Variants in LEPR observed in about 807,000 individuals in gnomAD.
LEPR encodes the protein leptin receptor.
LEPR carries 56 observed loss-of-function variants against 114.7 expected under a neutral mutation model. That is an observed-to-expected ratio of 0.49 (90% CI 0.39 to 0.61). The LOEUF (loss-of-function observed/expected upper bound fraction) is 0.61, where lower values mean the gene tolerates loss of function less well. Among genes scored for constraint, LEPR ranks in the 20% least tolerant of loss-of-function variants. LEPR has a pLI of 0.00. For missense variants in LEPR, 1,202 were observed against 1,352.9 expected (o/e 0.89, Z 1.75); for synonymous variants, 443 against 461.4 (o/e 0.96, Z 0.51).
intron 2 of LEPR, among the ~76,000 whole-genome samples, chr1:65,519,056 C>CTCCT (rs538448169): frequency 8.5e-5 from 12 of 141,928 alleles, no homozygotes; most frequent in South Asian, 4.5e-4. Flanking sequence ...CTTTCTCTCT[C>CTCCT]TCCTTCCTTC....
intron 2 of LEPR, among the ~76,000 whole-genome samples, chr1:65,458,037 T>C (rs1646899483): frequency 6.6e-6 from 1 of 152,204 alleles, no homozygotes; most frequent in South Asian, 2.1e-4. Flanking sequence ...GCAAGCAATT[T>C]GAAATGTGCC....
intron 2 of LEPR, among the ~76,000 whole-genome samples, chr1:65,538,686 CTCTT>C (rs1650952805): frequency 6.6e-6 from 1 of 152,096 alleles, no homozygotes; most frequent in East Asian, 1.9e-4. Context: ...GTTTTCCATT[CTCTT>C]TCTTACTCCT....
At chr1:65,481,276 A>T (rs914273917) in intron 2 of LEPR, among the ~76,000 whole-genome samples, 2 of 152,206 alleles carry the variant, frequency 1.3e-5, no homozygotes, top group Non-Finnish European at 2.9e-5. Context: ...AATTCGAGGA[A>T]TTGAGGATTA....
intron 1 of LEPR, 99 bp downstream of exon 1, chr1:65,420,839 G>C: frequency 7.1e-7 from 1 of 1,407,634 alleles, no homozygotes. Context: ...TTGGGGAACG[G>C]CCTCACCACC....
chr1:65,545,269 G>A (rs1295753966), intron 2 of LEPR, among the ~76,000 whole-genome samples: 5 of 151,178 alleles, frequency 3.3e-5, no homozygotes, highest in South Asian at 2.1e-4. Flanking sequence ...ATAAACATAC[G>A]TGTGCATGTG....
Position 65,623,034 on chromosome 1 carries a change from G to A in LEPR, c.2673+53G>A, listed in dbSNP as rs533324063. 5.2e-5 allele frequency: 80 copies of A among 1,537,628 alleles called. 1 individual carries two copies. The South Asian group carries it at 6.1e-4, about 12-fold the overall frequency. The stretch of plus-strand genomic sequence containing the variant: ...GAATATATACGATTGCAATCTAGAC[G>A]CCATATGACTTATAGAGCATTAAGC... On this transcript the variant is annotated intron_variant, in intron 19 of 19. Coordinates refer to ENST00000349533, the MANE Select transcript of LEPR (RefSeq NM_002303.6).
chr1:65,455,920 T>C (rs1413121070), intron 2 of LEPR, among the ~76,000 whole-genome samples: 1 of 152,180 alleles, frequency 6.6e-6, no homozygotes, highest in African/African-American at 2.4e-5. Context: ...ACTGCTGTGC[T>C]AGCAATCAGT....
intron 10 of LEPR, among the ~76,000 whole-genome samples, chr1:65,604,822 A>G (rs986423801): frequency 6.6e-6 from 1 of 152,194 alleles, no homozygotes; most frequent in South Asian, 2.1e-4. Context: ...CCTCATGAGA[A>G]TCTAATGCCT....
At chr1:65,479,269 T>C (rs1404526331) in intron 2 of LEPR, among the ~76,000 whole-genome samples, 2 of 96,280 alleles carry the variant, frequency 2.1e-5, no homozygotes, top group Non-Finnish European at 3.9e-5. Context: ...ACAGGACATA[T>C]TTTTTTTTAC....
At chr1:65,623,800 A>T (rs1261226745) in intron 19 of LEPR, among the ~76,000 whole-genome samples, 1 of 152,188 alleles carries the variant, frequency 6.6e-6, no homozygotes, top group Non-Finnish European at 1.5e-5. Flanking sequence ...TATTAATAGT[A>T]CTCAAGGACC....
chr1:65,545,009 A>G (rs1261748301), intron 2 of LEPR, among the ~76,000 whole-genome samples: 1 of 138,064 alleles, frequency 7.2e-6, no homozygotes, highest in Non-Finnish European at 1.5e-5. Context: ...TCCTGTGTCC[A>G]TGTGTTCTCA....
chr1:65,501,698 G>A (rs1648462106), intron 2 of LEPR, among the ~76,000 whole-genome samples: 1 of 151,936 alleles, frequency 6.6e-6, no homozygotes, highest in African/African-American at 2.4e-5. Context: ...TCTTCAGAGT[G>A]ATTTCTTAGG....
chr1:65,554,564 C>A (rs183151208), intron 2 of LEPR, among the ~76,000 whole-genome samples: 1 of 152,118 alleles, frequency 6.6e-6, no homozygotes, highest in East Asian at 1.9e-4. Flanking sequence ...TTCCTTCCCC[C>A]ACCAAGCTTG....
At chr1:65,426,492 A>G (rs1570421783) in intron 2 of LEPR, among the ~76,000 whole-genome samples, 1 of 152,120 alleles carries the variant, frequency 6.6e-6, no homozygotes, top group African/African-American at 2.4e-5. Flanking sequence ...CTAGATAGGA[A>G]AGAGCTGAGA....
chr1:65,514,476 C>A (rs1649187163), intron 2 of LEPR, among the ~76,000 whole-genome samples: 1 of 152,206 alleles, frequency 6.6e-6, no homozygotes, highest in African/African-American at 2.4e-5. Flanking sequence ...TTTAGTAAAC[C>A]TATGATTGTT....
At chr1:65,548,914 T>C (rs1652024189) in intron 2 of LEPR, among the ~76,000 whole-genome samples, 1 of 152,248 alleles carries the variant, frequency 6.6e-6, no homozygotes, top group Non-Finnish European at 1.5e-5. Flanking sequence ...CGAAGGTCTT[T>C]ACAATTTGGC....
At chr1:65,432,016 G>T in intron 2 of LEPR, 1 of 1,470,938 alleles carries the variant, frequency 6.8e-7, no homozygotes. Context: ...TTAATATGCT[G>T]GGTTTTTTAA....
At chr1:65,564,740 C>T (rs1276700620) in intron 2 of LEPR, among the ~76,000 whole-genome samples, 1 of 152,232 alleles carries the variant, frequency 6.6e-6, no homozygotes, top group South Asian at 2.1e-4. Context: ...TGTTGAAAAC[C>T]CAAGTCCCAC....
At chr1:65,634,033 C>CA (rs1658622932) in intron 19 of LEPR, 1 of 984,740 alleles carries the variant, frequency 1.0e-6, no homozygotes, top group Non-Finnish European at 1.2e-6. Context: ...GGCAGTGATG[C>CA]AAAAAAGGGA....
Sources: allele counts gnomAD v4.1 joint callset (sites outside exome capture counted in the v4.1 genomes callset), GRCh38; gene constraint gnomAD v4.1.1; transcripts MANE v1.5; gene names NCBI Gene and HGNC (gene_info 2026-07-23, HGNC 2026-07-21).